The following MAST4 variants were observed in gnomAD, a reference collection of about 807,000 sequenced individuals.
MAST4 encodes the protein microtubule associated serine/threonine kinase family member 4, also known as microtubule-associated serine/threonine-protein kinase 4.
Under a neutral mutation model 162.7 loss-of-function variants are expected in MAST4, and 89 were observed. That is an observed-to-expected ratio of 0.55 (90% CI 0.46 to 0.65). MAST4 has a LOEUF of 0.65. MAST4 is among the 30% of genes least tolerant of loss of function. The pLI is 0.00. For missense variants in MAST4, 3,153 were observed against 3,374.0 expected (o/e 0.93, Z 1.62); for synonymous variants, 1,479 against 1,361.1 (o/e 1.09, Z -1.91).
intron 4 of MAST4, among the ~76,000 whole-genome samples, chr5:67,017,886 C>T (rs986981062): frequency 6.6e-5 from 10 of 151,964 alleles, no homozygotes; most frequent in Non-Finnish European, 1.2e-4. Flanking sequence ...CGTGAACCAC[C>T]GCACCCGGCC....
chr5:66,996,505 T>G (rs1750677608), intron 4 of MAST4, among the ~76,000 whole-genome samples: 1 of 152,218 alleles, frequency 6.6e-6, no homozygotes, highest in Non-Finnish European at 1.5e-5. Context: ...AACTAGCTTA[T>G]ATTTATTTAT....
chr5:66,649,901 A>G (rs1392797328), intron 1 of MAST4, among the ~76,000 whole-genome samples: 1 of 152,054 alleles, frequency 6.6e-6, no homozygotes, highest in Non-Finnish European at 1.5e-5. Context: ...ATACACTGCT[A>G]TTTGGGGCAT....
chr5:66,602,011 A>G (rs149780424), intron 1 of MAST4, among the ~76,000 whole-genome samples: 1 of 152,076 alleles, frequency 6.6e-6, no homozygotes, highest in South Asian at 2.1e-4. Flanking sequence ...TATGAAATAC[A>G]TACATATGAA....
At chr5:67,061,970 G>C (rs16896218) in intron 5 of MAST4, among the ~76,000 whole-genome samples, 35,866 of 152,132 alleles carry the variant, frequency 0.24, 4,975 homozygotes, top group African/African-American at 0.38. Flanking sequence ...TTTCTGCTCA[G>C]GTATTTGTGG....
At chr5:67,115,799 G>T (rs1307683970) in intron 12 of MAST4, among the ~76,000 whole-genome samples, 1 of 152,014 alleles carries the variant, frequency 6.6e-6, no homozygotes, top group Non-Finnish European at 1.5e-5. Flanking sequence ...ACTACCCACT[G>T]CTTACAAATA....
chr5:67,004,524 GTGAA>G (rs1432761081), intron 4 of MAST4: 1 of 158,016 alleles, frequency 6.3e-6, no homozygotes, highest in Non-Finnish European at 1.4e-5. Context: ...ATGTTCGGAT[GTGAA>G]TGGTTTTGCT....
intron 3 of MAST4, among the ~76,000 whole-genome samples, chr5:66,796,790 A>G (rs577794884): frequency 1.3e-5 from 2 of 152,312 alleles, no homozygotes; most frequent in African/African-American, 4.8e-5. Flanking sequence ...TCCACCAAGT[A>G]TGAAGAGATG....
chr5:67,153,464 G>C lies in MAST4; in HGVS notation c.3532G>C (p.Glu1178Gln). ...CTCTCCTCTTGGACTTTAGAATGTA[G>C]AAGAAGGAAGTCCGGCATGCCAGGC... Reference protein sequence around the residue: ...YTVHHIVWNVEEGSPACQAGL... With the variant: ...YTVHHIVWNVQEGSPACQAGL... Residue 1178 changes from glutamate to glutamine, a missense_variant, in exon 26 of 29, where the codon GAA becomes CAA. Transcript: ENST00000403625. 6.2e-7 allele frequency: 1 copy of C among 1,603,670 alleles called. No homozygotes were observed. The highest frequency in any genetic ancestry group is 8.5e-7 in the Non-Finnish European group (1 of 1,174,826).
intron 4 of MAST4, among the ~76,000 whole-genome samples, chr5:66,914,723 T>G (rs993759036): frequency 6.6e-6 from 1 of 152,168 alleles, no homozygotes. Flanking sequence ...TGATTGCTTA[T>G]CTAGGACAGT....
At chr5:66,775,283 C>T (rs1171424395) in intron 2 of MAST4, among the ~76,000 whole-genome samples, 1 of 151,866 alleles carries the variant, frequency 6.6e-6, no homozygotes, top group Non-Finnish European at 1.5e-5. Flanking sequence ...ATTGGAGCAA[C>T]CAAAAGACTA....
At chr5:67,074,781 A>G (rs943845498) in intron 5 of MAST4, among the ~76,000 whole-genome samples, 4 of 152,210 alleles carry the variant, frequency 2.6e-5, no homozygotes, top group African/African-American at 7.2e-5. Context: ...ATATTACATT[A>G]GGATTATCGA....
At position 67,153,489 on chromosome 5, in the gene MAST4, C is replaced by G; in HGVS notation, c.3557C>G (p.Ala1186Gly). 3 of 1,604,436 alleles carry G rather than the reference C, an allele frequency of 1.9e-6. No individual in the cohort carries two copies. The highest frequency in any genetic ancestry group is 2.6e-6 in the Non-Finnish European group (3 of 1,175,132). The change falls in exon 26 of 29, where the codon GCA becomes GGA. Residue 1186 changes from alanine (A) to glycine (G), a missense_variant. Around this residue, in one of 7 missense-constraint regions of MAST4, gnomAD observed 619 missense variants for 744.2 expected, o/e 0.83. Transcript: ENST00000403625. ...GAAGAAGGAAGTCCGGCATGCCAGG[C>G]AGGACTGAAGGCTGGAGATCTTATC... is the stretch of plus-strand genomic sequence containing the variant. Reference protein sequence around the residue: ...NVEEGSPACQAGLKAGDLITH... With the variant: ...NVEEGSPACQGGLKAGDLITH...
At chr5:66,783,242 T>A (rs1424843809) in intron 2 of MAST4, 3 of 152,244 alleles carry the variant, frequency 2.0e-5, no homozygotes, top group Non-Finnish European at 4.4e-5. Context: ...TTCTGCTCAC[T>A]TTATAATTTA....
At chr5:66,651,482 T>G (rs1746216323) in intron 1 of MAST4, among the ~76,000 whole-genome samples, 1 of 152,156 alleles carries the variant, frequency 6.6e-6, no homozygotes, top group Admixed American at 6.6e-5. Context: ...CCTTTTTTGA[T>G]AGTTTTTAAT....
At chr5:66,772,282 C>T (rs1444985065) in intron 2 of MAST4, among the ~76,000 whole-genome samples, 1 of 152,172 alleles carries the variant, frequency 6.6e-6, no homozygotes, top group Non-Finnish European at 1.5e-5. Flanking sequence ...ACTGGCTCTT[C>T]TGATGATGTT....
At chr5:66,900,173 G>A (rs1762919846) in intron 4 of MAST4, among the ~76,000 whole-genome samples, 191 bp downstream of exon 4, 1 of 151,824 alleles carries the variant, frequency 6.6e-6, no homozygotes. Context: ...GTTCCATATG[G>A]GCATTGCAAA....
chr5:66,829,694 T>C (rs1172029074), intron 3 of MAST4, among the ~76,000 whole-genome samples: 1 of 130,566 alleles, frequency 7.7e-6, no homozygotes, highest in Non-Finnish European at 1.7e-5. Context: ...TAAACTCTTA[T>C]ATATTATTTT....
At chr5:66,651,056 T>A (rs899437637) in intron 1 of MAST4, among the ~76,000 whole-genome samples, 1 of 152,204 alleles carries the variant, frequency 6.6e-6, no homozygotes, top group African/African-American at 2.4e-5. Context: ...ACTTGCCGTG[T>A]CACATAGTAG....
chr5:66,608,153 G>A (rs1330873112), intron 1 of MAST4, among the ~76,000 whole-genome samples: 1 of 150,842 alleles, frequency 6.6e-6, no homozygotes, highest in African/African-American at 2.4e-5. Context: ...TGCCTCCCTG[G>A]TTCAAGTGAT....
Sources: gnomAD v4.1 joint callset for allele counts (sites outside exome capture counted in the v4.1 genomes callset) on GRCh38, gnomAD v4.1.1 for gene constraint, gnomAD v4.1.1 regional missense constraint, MANE v1.5 for transcripts, NCBI Gene and HGNC (gene_info 2026-07-23, HGNC 2026-07-21) for gene names.